Variants in JAKMIP3 observed in about 807,000 individuals in gnomAD.
JAKMIP3 encodes the protein Janus kinase and microtubule interacting protein 3, also known as janus kinase and microtubule-interacting protein 3.
A neutral mutation model predicts 118.5 loss-of-function variants in JAKMIP3; 58 were observed. That is an observed-to-expected ratio of 0.49 (90% CI 0.40 to 0.61). The LOEUF (loss-of-function observed/expected upper bound fraction) is 0.61. JAKMIP3 is among the 20% of genes least tolerant of loss of function. The pLI is 0.00. For missense variants in JAKMIP3, 950 were observed against 1,109.0 expected (o/e 0.86, Z 2.04); for synonymous variants, 486 against 451.2 (o/e 1.08, Z -0.98).
intron 2 of JAKMIP3, among the ~76,000 whole-genome samples, chr10:132,116,485 C>T (rs1246672707): frequency 6.7e-6 from 1 of 148,534 alleles, no homozygotes; most frequent in East Asian, 2.0e-4. Flanking sequence ...CGTGGAAGCT[C>T]CCCCAAATGC....
intron 1 of JAKMIP3, among the ~76,000 whole-genome samples, chr10:132,046,471 AC>A (rs1358872465): frequency 3.4e-5 from 5 of 148,786 alleles, no homozygotes; most frequent in East Asian, 2.1e-4. Context: ...GAAAAAAAAA[AC>A]AACCATCCAG....
chr10:132,080,981 A>G (rs888159022), intron 1 of JAKMIP3, among the ~76,000 whole-genome samples: 10 of 151,708 alleles, frequency 6.6e-5, no homozygotes, highest in African/African-American at 2.4e-4. Flanking sequence ...ATCTATTTTT[A>G]CTCTTATTGC....
At position 132,048,901 on chromosome 10, in the gene JAKMIP3, A is replaced by G. The variant is rs1327267801; in HGVS notation, c.-138+12163A>G. Among the ~76,000 whole-genome samples the G allele has an allele frequency of 2.6e-5, 4 of 151,980 alleles. No individual in the cohort carries two copies. The East Asian group carries it at 7.7e-4, about 29-fold the overall frequency. Reference sequence around the variant, plus strand: ...GTGATCCGCCTGCCTTCGCCTCCCAAAGTGCTGGGATTACAGGCGTGAGCC... The same window carrying G: ...GTGATCCGCCTGCCTTCGCCTCCCAGAGTGCTGGGATTACAGGCGTGAGCC... On this transcript the variant is annotated intron_variant, in intron 1 of 23. Coordinates refer to the JAKMIP3 transcript ENST00000657785.
intron 3 of JAKMIP3, among the ~76,000 whole-genome samples, chr10:132,132,147 T>G (rs1237641243): frequency 2.6e-5 from 4 of 152,254 alleles, no homozygotes; most frequent in Non-Finnish European, 5.9e-5. Context: ...TATTTTCTTC[T>G]GTTCAGCTCA....
intron 1 of JAKMIP3, among the ~76,000 whole-genome samples, chr10:132,075,592 T>C (rs1409512203): frequency 1.3e-5 from 2 of 152,042 alleles, no homozygotes; most frequent in African/African-American, 4.8e-5. Flanking sequence ...ATATTTTTAG[T>C]AGAGGCAGGG....
intron 1 of JAKMIP3, among the ~76,000 whole-genome samples, chr10:132,057,032 C>CTA (rs947244803): frequency 8.5e-5 from 13 of 152,260 alleles, no homozygotes; most frequent in Non-Finnish European, 1.8e-4. Context: ...GGCTCTCAGC[C>CTA]TATATCCCAC....
Position 132,180,788 on chromosome 10 carries a change from T to TGTGTGTGTGTGC in JAKMIP3, c.*1104-1569_*1104-1568insGTGTGTGTGTGC, listed in dbSNP as rs1491365450. Among the ~76,000 whole-genome samples, 2 of 10,730 alleles carry TGTGTGTGTGTGC rather than the reference T, an allele frequency of 1.9e-4. 1 individual carries two copies. Among genetic ancestry groups the TGTGTGTGTGTGC allele is most frequent in the African/African-American group, 6.9e-4 (2 of 2,902 alleles). The allele number at this position is 10,730 out of a possible 152,430, so 7.0% of individuals were successfully genotyped here. ...GTGTGTGCGTGTGTGTGTGTGCGCGTATGCATGTGCTGTGAGTGGTGTGTT... is the reference window on the plus strand; with the variant it reads ...GTGTGTGCGTGTGTGTGTGTGCGCGTGTGTGTGTGTGCATGCATGTGCTGTGAGTGGTGTGTT... On this transcript the variant is annotated intron_variant, in intron 23 of 23. Transcript: ENST00000684848.
chr10:132,102,938 A>G (rs1439009998), intron 1 of JAKMIP3, among the ~76,000 whole-genome samples: 1 of 149,590 alleles, frequency 6.7e-6, no homozygotes, highest in Non-Finnish European at 1.5e-5. Context: ...GCCTGTGTTC[A>G]CCAGGAGAGG....
rs188517068 is a variant in JAKMIP3, at chr10:132,105,221, C to T, written c.135+278C>T. On this transcript the variant is annotated intron_variant, in intron 2 of 23. Coordinates refer to ENST00000684848, the MANE Select transcript of JAKMIP3 (RefSeq NM_001323087.2). ...TGGGGACAGCCCTCCCATCTGAGGC[C>T]GCAGGGCCTTGGGGTCTGTGTCCAG... 2.4e-3 allele frequency among the ~76,000 whole-genome samples: 358 copies of T among 152,338 alleles called. 3 individuals are homozygous for T. Among genetic ancestry groups the T allele is most frequent in the African/African-American group, 8.1e-3 (338 of 41,574 alleles).
intron 19 of JAKMIP3, among the ~76,000 whole-genome samples, chr10:132,158,051 A>C (rs943779149): frequency 3.2e-4 from 48 of 149,318 alleles, no homozygotes; most frequent in Non-Finnish European, 6.2e-4. Flanking sequence ...AAATTTATGC[A>C]CCTCCAGGAT....
chr10:132,123,047 A>C (rs749186234), intron 3 of JAKMIP3, among the ~76,000 whole-genome samples: 1 of 152,196 alleles, frequency 6.6e-6, no homozygotes, highest in Non-Finnish European at 1.5e-5. Context: ...TCGTCTGCGC[A>C]TGGCCCACTC....
intron 1 of JAKMIP3, among the ~76,000 whole-genome samples, chr10:132,038,790 CAA>C (rs58917363): frequency 0.2 from 24,964 of 124,552 alleles, 2,134 homozygotes; most frequent in East Asian, 0.31. Context: ...GAGACTGTCT[CAA>C]AAAAAAAAAA....
At chr10:132,171,744 T>C (rs1422534658) in intron 23 of JAKMIP3, among the ~76,000 whole-genome samples, 1 of 149,564 alleles carries the variant, frequency 6.7e-6, no homozygotes, top group African/African-American at 2.5e-5. Flanking sequence ...CTCCTCCTCC[T>C]CCTGGGTTCA....
Position 132,066,017 on chromosome 10 carries a change from C to T in JAKMIP3, c.-182C>T, listed in dbSNP as rs569243514. Among the ~76,000 whole-genome samples, 2 of 152,304 alleles carry T rather than the reference C, an allele frequency of 1.3e-5. No homozygotes were observed. The highest frequency in any genetic ancestry group is 2.9e-5 in the Non-Finnish European group (2 of 68,024). Reference sequence around the variant, plus strand: ...ACGAGCCGGGAAAGATTCTCACAGTCGAGCAGAGCGATGGGAGAGAGGAGC... The same window carrying T: ...ACGAGCCGGGAAAGATTCTCACAGTTGAGCAGAGCGATGGGAGAGAGGAGC... On this transcript the variant is annotated 5_prime_UTR_variant, in exon 1 of 24. Transcript: ENST00000684848.
At chr10:132,176,005 G>C (rs1462664084) in intron 23 of JAKMIP3, among the ~76,000 whole-genome samples, 1 of 152,234 alleles carries the variant, frequency 6.6e-6, no homozygotes, top group Non-Finnish European at 1.5e-5. Flanking sequence ...CTGAGCTGGG[G>C]GAAGCGCCCC....
intron 1 of JAKMIP3, among the ~76,000 whole-genome samples, chr10:132,077,341 C>T (rs761863962): frequency 6.6e-6 from 1 of 152,142 alleles, no homozygotes; most frequent in Admixed American, 6.5e-5. Context: ...GTCTTCTGCT[C>T]TCTCTCAGCC....
intron 3 of JAKMIP3, among the ~76,000 whole-genome samples, chr10:132,119,180 C>A (rs1270957417): frequency 1.4e-5 from 2 of 145,460 alleles, no homozygotes; most frequent in African/African-American, 5.2e-5. Context: ...CAGATCTCTC[C>A]CCTCCGTACA....
chr10:132,147,990 C>A lies in JAKMIP3; in HGVS notation c.1788C>A (p.His596Gln). The A allele has an allele frequency of 1.2e-6, 2 of 1,609,702 alleles. No homozygotes were observed. The highest frequency in any genetic ancestry group is 1.7e-6 in the Non-Finnish European group (2 of 1,178,062). ...AGACGGAAGAGGCTCGGCTCAGACA[C>A]GAGGTGCAGGACGCCAGAGACCAAA... is the stretch of plus-strand genomic sequence containing the variant. The part of the protein sequence containing the change: ...QMETEEARLR[H>Q]EVQDARDQNE... Residue 596 changes from histidine to glutamine, a missense_variant, in exon 14 of 24, where the codon CAC (histidine) becomes CAA (glutamine). Coordinates refer to ENST00000684848, the MANE Select transcript of JAKMIP3 (RefSeq NM_001323087.2).
intron 2 of JAKMIP3, 21 bp downstream of exon 2, chr10:132,104,964 C>T (rs2045678651): frequency 6.4e-7 from 1 of 1,574,014 alleles, no homozygotes; most frequent in Non-Finnish European, 8.6e-7. Context: ...CCCAGACCTC[C>T]ACCCTTGAAT....
Sources: gnomAD v4.1 joint callset for allele counts (sites outside exome capture counted in the v4.1 genomes callset) on GRCh38, gnomAD v4.1.1 for gene constraint, MANE v1.5 for transcripts, NCBI Gene and HGNC (gene_info 2026-07-23, HGNC 2026-07-21) for gene names.